The following MSL3 variants were observed in gnomAD, a reference collection of about 807,000 sequenced individuals.
MSL3 encodes the protein MSL complex subunit 3.
Under a neutral mutation model 37.2 loss-of-function variants are expected in MSL3, and 5 were observed. The ratio of observed to expected loss-of-function variants is 0.13; its 90% CI spans 0.07 to 0.28. MSL3 has a LOEUF of 0.28. Ranked by LOEUF, MSL3 falls within the 10% of genes least tolerant of loss-of-function variation. MSL3 has a pLI of 1.00. For missense variants in MSL3, 315 were observed against 408.5 expected (o/e 0.77, Z 1.97); for synonymous variants, 149 against 147.6 (o/e 1.01, Z -0.07).
intron 6 of MSL3, 60 bp downstream of exon 6, chrX:11,762,312 T>G (rs1194946210): frequency 9.9e-7 from 1 of 1,013,416 alleles, no homozygotes; most frequent in Non-Finnish European, 1.3e-6. Context: ...TGCCATAGTT[T>G]GCAATCATAG....
chrX:11,761,424 A>T, intron 4 of MSL3, 76 bp from the exon 5 acceptor site: 1 of 563,887 alleles, frequency 1.8e-6, no homozygotes, highest in Non-Finnish European at 2.8e-6. Context: ...CACCCACACT[A>T]CACGTGAAGA....
intron 1 of MSL3, 134 bp downstream of exon 1, chrX:11,758,499 C>T (rs757966490): frequency 2.0e-5 from 20 of 1,002,872 alleles, no homozygotes; most frequent in Middle Eastern, 4.0e-4. Flanking sequence ...GTGCGGCCGG[C>T]AGGGGGCGCT....
chrX:11,767,364 C>T (rs1185557209), intron 9 of MSL3: 1 of 532,367 alleles, frequency 1.9e-6, no homozygotes, highest in Non-Finnish European at 2.3e-6. Context: ...TTAGTGTCTC[C>T]AGACACAGTG....
In MSL3 at chrX:11,766,978, A is replaced by C; in HGVS notation, c.1171+1249A>C. ...TCCCTCAGCCTCGCCTGCTGTGCTG[A>C]CTCCTTCAGGGGTCCTTCTAAGCAT... On this transcript the variant is annotated intron_variant, in intron 9 of 12. Transcript: ENST00000312196. 4.0e-6 allele frequency: 3 copies of C among 753,611 alleles called. 1 individual carries two copies. In the African/African-American group the frequency reaches 6.9e-5, roughly 17 times the overall value. 62.1% of individuals were successfully genotyped at this position (753,611 alleles called of 1,213,427 possible). A position where few individuals can be genotyped will look rare whatever the true frequency, so the allele number is the denominator to read the frequency against.
chrX:11,772,132 G>A (rs764892629), intron 10 of MSL3, 24 bp from the exon 11 acceptor site: 1 of 1,100,056 alleles, frequency 9.1e-7, no homozygotes, highest in South Asian at 1.9e-5. Flanking sequence ...AATAACAAAA[G>A]CATTCAATTC....
At position 11,762,162 on chromosome X, in the gene MSL3, A is replaced by G; in HGVS notation, c.498A>G (p.Glu166=). ...AACCAGAGCTTCAAACAAGAAGGGA[A>G]ATGGAAGAAAGAACAATAACTATAG... ...KEEPELQTRR[E]MEERTITIEI... is the part of the protein sequence containing the mutation. The change falls in exon 6 of 13, where the codon GAA becomes GAG. Residue 166 remains glutamate, a synonymous_variant. Coordinates refer to ENST00000312196, the MANE Select transcript of MSL3 (RefSeq NM_078629.4). 8.6e-7 allele frequency: 1 copy of G among 1,160,652 alleles called. No homozygotes were observed. Among genetic ancestry groups the G allele is most frequent in the Non-Finnish European group, 1.2e-6 (1 of 869,329 alleles).
chrX:11,763,722 A>T, intron 7 of MSL3, 58 bp from the exon 8 acceptor site: 1 of 1,067,486 alleles, frequency 9.4e-7, no homozygotes, highest in Non-Finnish European at 1.3e-6. Context: ...CTTCATTGTG[A>T]ACATTTGGAA....
Position 11,759,794 on chromosome X carries a change from T to C in MSL3, c.104T>C (p.Ile35Thr). The C allele has an allele frequency of 8.3e-7, 1 of 1,210,654 alleles. No homozygotes were observed. Among genetic ancestry groups the C allele is most frequent in the Non-Finnish European group, 1.1e-6 (1 of 894,388 alleles). Residue 35 changes from isoleucine to threonine, a missense_variant and splice_region_variant, in exon 2 of 13, where the codon ATT (isoleucine) becomes ACT (threonine). Physicochemically the swap from Ile to Thr is moderately conservative, Grantham distance 89. Transcript: ENST00000312196. Reference protein sequence around the residue: ...TKARVLYDAKIVDVIVGKDEK... With the variant: ...TKARVLYDAKTVDVIVGKDEK... The stretch of plus-strand genomic sequence containing the variant: ...GTGGGAAATATTTCTTCGTTTCAGA[T>C]TGTTGATGTTATTGTTGGGAAAGAC...
chrX:11,760,408 A>C lies in MSL3; in HGVS notation c.191A>C (p.Asp64Ala). ...TTCCTTTTTTGTTCAATTAGCTGGG[A>C]TAGATGGGCAGCAGAAGATCATGTG... ...IHFNGWNRSWDRWAAEDHVLR... is the reference protein window; with the variant it reads ...IHFNGWNRSWARWAAEDHVLR... Residue 64 changes from aspartate to alanine, a missense_variant, in exon 3 of 13, where the codon GAT becomes GCT. Coordinates refer to ENST00000312196, the MANE Select transcript of MSL3 (RefSeq NM_078629.4). 1 of 1,196,864 alleles carries C rather than the reference A, an allele frequency of 8.4e-7. No homozygotes were observed. Among genetic ancestry groups the C allele is most frequent in the Non-Finnish European group, 1.1e-6 (1 of 888,290 alleles).
intron 8 of MSL3, among the ~76,000 whole-genome samples, chrX:11,764,712 G>A (rs1284421034): frequency 1.8e-5 from 2 of 112,010 alleles, no homozygotes; most frequent in Non-Finnish European, 3.8e-5. Flanking sequence ...CTTGCAGTGT[G>A]CTGCCCTTTT....
chrX:11,768,832 T>C, intron 10 of MSL3, 150 bp downstream of exon 10: 1 of 431,606 alleles, frequency 2.3e-6, no homozygotes, highest in Non-Finnish European at 4.0e-6. Flanking sequence ...CTTAACACTG[T>C]GGGTTTTGGT....
rs1194335724 is a variant in MSL3, at chrX:11,767,779, C to T, written c.1172-794C>T. 6.2e-6 allele frequency: 3 copies of T among 482,401 alleles called. No individual in the cohort carries two copies. The African/African-American group carries it at 7.9e-5, about 13-fold the overall frequency. 39.8% of individuals were successfully genotyped at this position (482,401 alleles called of 1,213,427 possible). ...CTAGCAGTTACTCATTTGCTTCTCC[C>T]TATGTCCCCTGACAACCACTAATCT... is the stretch of plus-strand genomic sequence containing the variant. On this transcript the variant is annotated intron_variant, in intron 9 of 12. Transcript: ENST00000312196.
chrX:11,764,976 C>T (rs1427448665), intron 8 of MSL3, among the ~76,000 whole-genome samples: 2 of 112,887 alleles, frequency 1.8e-5, no homozygotes, highest in Non-Finnish European at 3.8e-5. Context: ...TGTGTTTTCA[C>T]ACAGCAACCC....
intron 8 of MSL3, among the ~76,000 whole-genome samples, chrX:11,764,617 G>A (rs1179326516): frequency 9.0e-6 from 1 of 111,461 alleles, no homozygotes; most frequent in Admixed American, 9.5e-5. Flanking sequence ...CCACTCATCT[G>A]TCTCCTCTGT....
intron 10 of MSL3, chrX:11,768,951 A>G (rs1424117382): frequency 3.8e-6 from 1 of 263,990 alleles, no homozygotes; most frequent in Non-Finnish European, 6.7e-6. Flanking sequence ...ACAGATGTCA[A>G]TTTCCACAGA....
Position 11,760,469 on chromosome X carries a change from T to C in MSL3, c.252T>C (p.Arg84=), listed in dbSNP as rs1372969060. 1 of 1,200,952 alleles carries C rather than the reference T, an allele frequency of 8.3e-7. No homozygotes were observed. Among genetic ancestry groups the C allele is most frequent in the South Asian group, 1.8e-5 (1 of 54,677 alleles). ...RDTDENRRLQ[R]KLARKAVARL... ...CCGATGAAAATCGTAGATTACAGCG[T>C]AAATTGGCAAGAAAAGCTGTAGCTC... is the stretch of plus-strand genomic sequence containing the variant. The change falls in exon 3 of 13, where the codon CGT becomes CGC. Residue 84 remains arginine (R), a synonymous_variant. Transcript: ENST00000312196.
chrX:11,765,768 A>G (rs748332877), intron 9 of MSL3, 39 bp downstream of exon 9: 4 of 1,200,656 alleles, frequency 3.3e-6, no homozygotes, highest in South Asian at 3.7e-5. Flanking sequence ...GGGGAGAGCC[A>G]GCGTGTACTT....
In MSL3 at chrX:11,768,778, C is replaced by T. The variant is rs186050760; in HGVS notation, c.1281+96C>T. On this transcript the variant is annotated intron_variant, in intron 10 of 12. Transcript: ENST00000312196. ...TCAAGGTTCTTAAAGCATCATGTTG[C>T]TGCTATTACTGTAAACATTATCAAA... 4.2e-5 allele frequency: 23 copies of T among 550,348 alleles called. No individual in the cohort carries two copies. The East Asian group carries it at 7.6e-4, about 18-fold the overall frequency. 45.4% of individuals were successfully genotyped at this position (550,348 alleles called of 1,213,427 possible). A position where few individuals can be genotyped will look rare whatever the true frequency, so the allele number is the denominator to read the frequency against.
intron 10 of MSL3, among the ~76,000 whole-genome samples, chrX:11,770,195 A>G (rs1392319366): frequency 8.9e-6 from 1 of 112,323 alleles, no homozygotes; most frequent in African/African-American, 3.2e-5. Flanking sequence ...TTTTGAACAT[A>G]TGAGCATGGG....
Sources: gnomAD v4.1 joint callset for allele counts (sites outside exome capture counted in the v4.1 genomes callset) on GRCh38, gnomAD v4.1.1 for gene constraint, MANE v1.5 for transcripts, NCBI Gene and HGNC (gene_info 2026-07-23, HGNC 2026-07-21) for gene names.